Variants in KLHL1 observed in about 807,000 individuals in gnomAD.
KLHL1 encodes the protein kelch like family member 1.
In KLHL1, 47 loss-of-function variants were observed where a neutral mutation model predicts 77.7. The observed-to-expected ratio is 0.60, with a 90% CI of 0.48 to 0.77. The LOEUF is 0.77. Among genes scored for constraint, KLHL1 ranks in the 30% least tolerant of loss-of-function variants. The pLI is 0.00. For synonymous variants in KLHL1, 360 were observed against 325.2 expected (o/e 1.11, Z -1.15); for missense variants, 925 against 910.8 (o/e 1.02, Z -0.20).
At chr13:70,027,757 G>A (rs79783962) in intron 1 of KLHL1, among the ~76,000 whole-genome samples, 4,058 of 145,014 alleles carry the variant, frequency 0.028, 85 homozygotes, top group African/African-American at 0.057. Flanking sequence ...AATGTTTATT[G>A]TTTTAAGCCT....
intron 5 of KLHL1, among the ~76,000 whole-genome samples, chr13:69,876,906 G>A (rs767863649): frequency 1.1e-4 from 17 of 152,012 alleles, no homozygotes; most frequent in Non-Finnish European, 1.9e-4. Context: ...GCGTGGTGGC[G>A]CATGCATGTA....
chr13:69,994,264 G>A (rs2137316974), intron 1 of KLHL1, among the ~76,000 whole-genome samples: 1 of 152,178 alleles, frequency 6.6e-6, no homozygotes, highest in South Asian at 2.1e-4. Flanking sequence ...GCCTGGTTGG[G>A]TAGGAGTGGA....
At chr13:69,932,504 A>C (rs113401889) in intron 4 of KLHL1, among the ~76,000 whole-genome samples, 1 of 151,924 alleles carries the variant, frequency 6.6e-6, no homozygotes, top group Non-Finnish European at 1.5e-5. Flanking sequence ...GAAATCATTA[A>C]ATATTTAGGC....
At chr13:69,879,733 A>G (rs572689058) in intron 5 of KLHL1, among the ~76,000 whole-genome samples, 2 of 152,216 alleles carry the variant, frequency 1.3e-5, no homozygotes, top group African/African-American at 4.8e-5. Flanking sequence ...ACCAACCCTA[A>G]ATAAAAAATT....
chr13:69,760,082 G>A lies in KLHL1; in HGVS notation c.1640-19526C>T, dbSNP rs114086563. Among the ~76,000 whole-genome samples, 1,465 of 152,156 alleles carry A rather than the reference G, an allele frequency of 9.6e-3. 27 individuals are homozygous for A. The highest frequency in any genetic ancestry group is 0.033 in the African/African-American group (1,378 of 41,526). On this transcript the variant is annotated intron_variant, in intron 7 of 10. Transcript: ENST00000377844. ...AAATAGTCTGGTAAATGTCAAAAAC[G>A]TAAATTTTGAATACCAATTTAGTTC... is the stretch of plus-strand genomic sequence containing the variant.
At chr13:69,971,049 T>C (rs556055079) in intron 2 of KLHL1, among the ~76,000 whole-genome samples, 4 of 152,172 alleles carry the variant, frequency 2.6e-5, no homozygotes, top group African/African-American at 9.6e-5. Context: ...TAAATTATGA[T>C]AGTCAGTCTA....
chr13:70,047,523 G>T (rs1233375802), intron 1 of KLHL1, among the ~76,000 whole-genome samples: 1 of 151,988 alleles, frequency 6.6e-6, no homozygotes, highest in Non-Finnish European at 1.5e-5. Flanking sequence ...CCCACTCACT[G>T]TTTCTCAATA....
At chr13:69,849,829 T>G (rs2138129387) in intron 5 of KLHL1, among the ~76,000 whole-genome samples, 1 of 151,666 alleles carries the variant, frequency 6.6e-6, no homozygotes, top group Middle Eastern at 3.4e-3. Context: ...ACTGTCATTC[T>G]TGAATCTATT....
intron 8 of KLHL1, among the ~76,000 whole-genome samples, chr13:69,739,024 G>A (rs1360960913): frequency 1.3e-5 from 2 of 152,170 alleles, no homozygotes; most frequent in Admixed American, 1.3e-4. Context: ...CACCTGTAAA[G>A]GGAAGCCCAT....
chr13:69,841,433 GA>G (rs200731019), intron 5 of KLHL1, among the ~76,000 whole-genome samples: 16 of 142,534 alleles, frequency 1.1e-4, no homozygotes, highest in South Asian at 2.2e-4. Flanking sequence ...ATCTAGTTGA[GA>G]AAAAAAAACA....
intron 7 of KLHL1, among the ~76,000 whole-genome samples, chr13:69,750,435 T>G: frequency 6.6e-6 from 1 of 151,676 alleles, no homozygotes; most frequent in East Asian, 1.9e-4. Flanking sequence ...AGGAAAGAAA[T>G]GGATAAGTAA....
intron 1 of KLHL1, among the ~76,000 whole-genome samples, chr13:69,984,803 T>C (rs1307833722): frequency 6.6e-6 from 1 of 152,132 alleles, no homozygotes; most frequent in Non-Finnish European, 1.5e-5. Flanking sequence ...TTCAGGTTTA[T>C]ATCAACCTAA....
At chr13:69,702,044 C>T (rs1232903543) in intron 10 of KLHL1, among the ~76,000 whole-genome samples, 1 of 151,596 alleles carries the variant, frequency 6.6e-6, no homozygotes, top group Admixed American at 6.6e-5. Context: ...AGAAAAGTTT[C>T]CATCAAAGCT....
At chr13:70,047,109 T>C (rs1014292323) in intron 1 of KLHL1, among the ~76,000 whole-genome samples, 6 of 152,088 alleles carry the variant, frequency 3.9e-5, no homozygotes, top group African/African-American at 9.7e-5. Flanking sequence ...ATAGCATTAA[T>C]GTGGACTGAC....
At chr13:70,018,725 G>A (rs1476904078) in intron 1 of KLHL1, among the ~76,000 whole-genome samples, 5 of 149,860 alleles carry the variant, frequency 3.3e-5, no homozygotes, top group African/African-American at 1.3e-4. Context: ...GATTTACAGA[G>A]AGGTCTAGAT....
chr13:69,953,214 G>C (rs1883765644), intron 3 of KLHL1, among the ~76,000 whole-genome samples: 1 of 151,208 alleles, frequency 6.6e-6, no homozygotes, highest in Non-Finnish European at 1.5e-5. Context: ...ATTTTAAATA[G>C]TGCTAAGAAG....
At chr13:69,942,667 A>G (rs1387288669) in intron 3 of KLHL1, among the ~76,000 whole-genome samples, 1 of 152,084 alleles carries the variant, frequency 6.6e-6, no homozygotes, top group Non-Finnish European at 1.5e-5. Context: ...ACATTTTGCT[A>G]TATGTATGTG....
chr13:69,800,703 A>G (rs1877338921), intron 6 of KLHL1, among the ~76,000 whole-genome samples: 1 of 152,080 alleles, frequency 6.6e-6, no homozygotes, highest in Non-Finnish European at 1.5e-5. Flanking sequence ...ATTACTATTA[A>G]TTTATCAATT....
intron 5 of KLHL1, among the ~76,000 whole-genome samples, chr13:69,864,498 C>T (rs970303565): frequency 1.3e-5 from 2 of 152,052 alleles, no homozygotes; most frequent in Non-Finnish European, 2.9e-5. Flanking sequence ...TAAGTTTCAG[C>T]ATGTATTGCT....
Sources: gnomAD v4.1 joint callset for allele counts (sites outside exome capture counted in the v4.1 genomes callset) on GRCh38, gnomAD v4.1.1 for gene constraint, MANE v1.5 for transcripts, NCBI Gene and HGNC (gene_info 2026-07-23, HGNC 2026-07-21) for gene names.